Variants in AFF3 observed in about 807,000 individuals in gnomAD.
AFF3 encodes AF4/FMR2 family member 3.
AFF3 carries 32 observed loss-of-function variants against 129.7 expected under a neutral mutation model. The observed-to-expected ratio is 0.25, with a 90% CI of 0.19 to 0.33. AFF3 has a LOEUF of 0.33. Among genes scored for constraint, AFF3 ranks in the 10% least tolerant of loss-of-function variants. The pLI is 1.00. For missense variants in AFF3, 1,373 were observed against 1,592.0 expected, an observed-to-expected ratio of 0.86 and a Z score of 2.34; for synonymous variants, 644 against 635.4, an observed-to-expected ratio of 1.01 and a Z score of -0.20.
chr2:99,987,941 T>C (rs747716819), intron 7 of AFF3, among the ~76,000 whole-genome samples: 2 of 152,232 alleles, frequency 1.3e-5, no homozygotes, highest in Non-Finnish European at 2.9e-5. Flanking sequence ...TAATTCAACA[T>C]TAATTTATGA....
chr2:99,760,808 T>C (rs1682512101), intron 8 of AFF3, among the ~76,000 whole-genome samples: 1 of 152,200 alleles, frequency 6.6e-6, no homozygotes, highest in Non-Finnish European at 1.5e-5. Flanking sequence ...TTTCTTTGCT[T>C]TGTCTGCCTT....
intron 11 of AFF3, among the ~76,000 whole-genome samples, chr2:99,694,742 T>C (rs1676029803): frequency 6.6e-6 from 1 of 152,200 alleles, no homozygotes; most frequent in Non-Finnish European, 1.5e-5. Context: ...AGTCTTGCTC[T>C]GTCACTCAGG....
chr2:99,861,272 T>C (rs528895568), intron 7 of AFF3, among the ~76,000 whole-genome samples: 10 of 152,262 alleles, frequency 6.6e-5, no homozygotes, highest in African/African-American at 1.4e-4. Flanking sequence ...AAAAGATATG[T>C]TGATCCTTTC....
At chr2:99,631,791 G>A (rs1683141070) in intron 13 of AFF3, among the ~76,000 whole-genome samples, 1 of 152,174 alleles carries the variant, frequency 6.6e-6, no homozygotes, top group East Asian at 1.9e-4. Context: ...TTTGGCTATT[G>A]TGAATAATGC....
chr2:99,582,643 GCTGT>G (rs1182739959), intron 17 of AFF3, among the ~76,000 whole-genome samples, 151 bp downstream of exon 17: 4 of 152,204 alleles, frequency 2.6e-5, no homozygotes, highest in African/African-American at 4.8e-5. Flanking sequence ...AGTGAAGGGG[GCTGT>G]CCTCTGTTGG....
At chr2:99,750,561 G>T (rs1369928080) in intron 9 of AFF3, among the ~76,000 whole-genome samples, 6 of 151,928 alleles carry the variant, frequency 3.9e-5, no homozygotes, top group Non-Finnish European at 8.8e-5. Context: ...GGGACTACAG[G>T]TGTGCCACCA....
In AFF3 at chr2:99,593,705, C is replaced by A. The variant is rs1197715149; in HGVS notation, c.1956G>T (p.Thr652=). 1 of 1,609,424 alleles carries A rather than the reference C, an allele frequency of 6.2e-7. No individual in the cohort carries two copies. Among genetic ancestry groups the A allele is most frequent in the South Asian group, 1.1e-5 (1 of 90,922 alleles). ...RSSVTCEKRR[T]RGLSRIVPKS... Reference sequence around the variant, plus strand: ...TGGGGACGATCCTGCTTAGCCCCCGCGTGCGGCGCTTCTCGCAGGTCACGG... The same window carrying A: ...TGGGGACGATCCTGCTTAGCCCCCGAGTGCGGCGCTTCTCGCAGGTCACGG... The change falls in exon 15 of 25, where the codon ACG becomes ACT. Residue 652 remains threonine (T), a synonymous_variant. Transcript: ENST00000672756.
Position 100,061,715 on chromosome 2 carries a change from T to C in AFF3, c.53+42687A>G, listed in dbSNP as rs1366860294. 2.6e-5 allele frequency among the ~76,000 whole-genome samples: 4 copies of C among 152,122 alleles called. No homozygotes were observed. The East Asian group carries it at 5.8e-4, about 22-fold the overall frequency. On this transcript the variant is annotated intron_variant, in intron 4 of 24. Coordinates refer to ENST00000672756, the MANE Select transcript of AFF3 (RefSeq NM_001386135.1). ...CTTTTCAAAGTTAATGTGTCATAAC[T>C]AGATTCATGATTTTTTATACCCCGA...
At chr2:100,037,788 TTATATAAAAATATATAA>T (rs2105021570) in intron 4 of AFF3, among the ~76,000 whole-genome samples, 1 of 135,538 alleles carries the variant, frequency 7.4e-6, no homozygotes, top group Non-Finnish European at 1.5e-5. Flanking sequence ...TTTTTATATA[TTATATAAAAATATATAA>T]TATATAAAAT....
At chr2:99,602,216 G>A (rs1011796470) in intron 13 of AFF3, among the ~76,000 whole-genome samples, 2 of 152,154 alleles carry the variant, frequency 1.3e-5, no homozygotes, top group Non-Finnish European at 2.9e-5. Context: ...GTTGAGTGCT[G>A]TAGCGATTAC....
intron 20 of AFF3, among the ~76,000 whole-genome samples, chr2:99,562,174 C>T (rs1462840132): frequency 6.6e-6 from 1 of 152,118 alleles, no homozygotes; most frequent in African/African-American, 2.4e-5. Flanking sequence ...AGGTTTTTCT[C>T]TGCTTCTTAA....
At chr2:99,642,425 G>A (rs1575580454) in intron 13 of AFF3, among the ~76,000 whole-genome samples, 2 of 151,996 alleles carry the variant, frequency 1.3e-5, no homozygotes, top group Admixed American at 6.6e-5. Flanking sequence ...GCCACTAAGC[G>A]ATGAGCCCCT....
chr2:99,642,662 G>A (rs1684313608), intron 13 of AFF3, among the ~76,000 whole-genome samples: 1 of 152,192 alleles, frequency 6.6e-6, no homozygotes, highest in Non-Finnish European at 1.5e-5. Flanking sequence ...TTGTTACGAT[G>A]CAAAACGTGG....
At chr2:99,916,943 C>A (rs1695513398) in intron 7 of AFF3, among the ~76,000 whole-genome samples, 1 of 152,050 alleles carries the variant, frequency 6.6e-6, no homozygotes, top group South Asian at 2.1e-4. Flanking sequence ...GCTAGGATTG[C>A]CAGAGATCTC....
chr2:99,654,760 T>A (rs1685596348), intron 12 of AFF3, among the ~76,000 whole-genome samples: 1 of 152,176 alleles, frequency 6.6e-6, no homozygotes, highest in Non-Finnish European at 1.5e-5. Flanking sequence ...AACATGTTCT[T>A]TTTTTTCTGC....
intron 4 of AFF3, among the ~76,000 whole-genome samples, chr2:100,048,627 G>C (rs1573250791): frequency 6.6e-6 from 1 of 152,174 alleles, no homozygotes; most frequent in Non-Finnish European, 1.5e-5. Context: ...TATTTCTACA[G>C]AGAGATATCC....
At chr2:100,135,418 T>C (rs759141418) in intron 1 of AFF3, among the ~76,000 whole-genome samples, 1 of 152,232 alleles carries the variant, frequency 6.6e-6, no homozygotes, top group Non-Finnish European at 1.5e-5. Context: ...TTCTGCTTCC[T>C]GCCTCTTAGA....
At chr2:99,859,965 A>G (rs570551501) in intron 7 of AFF3, among the ~76,000 whole-genome samples, 1 of 152,334 alleles carries the variant, frequency 6.6e-6, no homozygotes, top group Admixed American at 6.5e-5. Flanking sequence ...AAGTTATTTC[A>G]GTGGTTATTC....
chr2:100,043,028 A>ATT (rs34981944), intron 4 of AFF3, among the ~76,000 whole-genome samples: 1 of 147,864 alleles, frequency 6.8e-6, no homozygotes, highest in African/African-American at 2.5e-5. Context: ...ACCCAGAAGA[A>ATT]TTTTTTTTTT....
Sources: gnomAD v4.1 joint callset for allele counts (sites outside exome capture counted in the v4.1 genomes callset) on GRCh38, gnomAD v4.1.1 for gene constraint, MANE v1.5 for transcripts, NCBI Gene and HGNC (gene_info 2026-07-23, HGNC 2026-07-21) for gene names.